The following FAM167A variants were observed in gnomAD, a reference collection of about 807,000 sequenced individuals.
FAM167A encodes family with sequence similarity 167 member A.
Under a neutral mutation model 14.9 loss-of-function variants are expected in FAM167A, and 23 were observed. That is an observed-to-expected ratio of 1.55 (90% CI 1.11 to 2.19). The LOEUF (loss-of-function observed/expected upper bound fraction) is 2.19, where lower values mean the gene tolerates loss of function less well. FAM167A is among the 30% of genes most tolerant of loss of function. The pLI is 0.00. For missense variants in FAM167A, 401 were observed against 281.5 expected (o/e 1.42, Z -3.04); for synonymous variants, 174 against 117.7 (o/e 1.48, Z -3.10).
chr8:11,445,090 T>C (rs1806703976), intron 1 of FAM167A: 1 of 978,110 alleles, frequency 1.0e-6, no homozygotes, highest in African/African-American at 1.8e-5. Flanking sequence ...AGGGATTTGT[T>C]TTTATTCTCA....
In FAM167A at chr8:11,424,625, C is replaced by A. The variant is rs566603440; in HGVS notation, c.393G>T (p.Arg131=). Residue 131 remains arginine (R), a synonymous_variant, in exon 3 of 3, where the codon CGG becomes CGT. Transcript: ENST00000284486. ...AWLRKELTEM[R]LQDQQLARQL... ...GTCTGGCCAGTTGCTGGTCCTGCAGCCGCATCTCCGTCTGGAAGGGAGGGG... is the reference window on the plus strand; with the variant it reads ...GTCTGGCCAGTTGCTGGTCCTGCAGACGCATCTCCGTCTGGAAGGGAGGGG... 6.2e-7 allele frequency: 1 copy of A among 1,613,728 alleles called. No homozygotes were observed. The highest frequency in any genetic ancestry group is 2.2e-5 in the East Asian group (1 of 44,884).
intron 2 of FAM167A, chr8:11,435,189 G>A (rs1161426918): frequency 2.2e-6 from 1 of 453,288 alleles, no homozygotes; most frequent in African/African-American, 2.0e-5. Flanking sequence ...GCCACACTGA[G>A]GTTCTGTCCC....
intron 1 of FAM167A, among the ~76,000 whole-genome samples, chr8:11,475,545 A>G (rs1221549461): frequency 6.6e-6 from 1 of 152,036 alleles, no homozygotes; most frequent in Non-Finnish European, 1.5e-5. Context: ...AATACAGTTG[A>G]GATCCAACCT....
In FAM167A at chr8:11,439,923, G is replaced by A. The variant is rs35046511; in HGVS notation, c.381+4108C>T. ...GGAGTTGGCTGATGGACCAAAGCCC[G>A]GGCAGAGGCGTGTGTGAATGCTCTG... is the stretch of plus-strand genomic sequence containing the variant. On this transcript the variant is annotated intron_variant, in intron 2 of 2. Coordinates refer to ENST00000284486, the MANE Select transcript of FAM167A (RefSeq NM_053279.3). Among the ~76,000 whole-genome samples the A allele has an allele frequency of 2.6e-3, 397 of 152,258 alleles. 4 individuals are homozygous for A. Among genetic ancestry groups the A allele is most frequent in the Admixed American group, 4.9e-3 (75 of 15,306 alleles).
At chr8:11,436,648 G>A (rs1340089469) in intron 2 of FAM167A, among the ~76,000 whole-genome samples, 1 of 152,244 alleles carries the variant, frequency 6.6e-6, no homozygotes, top group African/African-American at 2.4e-5. Flanking sequence ...TGCATTACAT[G>A]AAACTGGAAG....
At chr8:11,442,313 T>C (rs111305644) in intron 2 of FAM167A, among the ~76,000 whole-genome samples, 10 of 151,952 alleles carry the variant, frequency 6.6e-5, no homozygotes, top group African/African-American at 2.2e-4. Context: ...ACCACACGTG[T>C]GGTTATCACC....
Position 11,424,609 on chromosome 8 carries a change from G to T in FAM167A, c.409C>A (p.Leu137Met), listed in dbSNP as rs765541335. 4.3e-6 allele frequency: 7 copies of T among 1,613,894 alleles called. No individual in the cohort carries two copies. Among genetic ancestry groups the T allele is most frequent in the Non-Finnish European group, 5.1e-6 (6 of 1,179,982 alleles). ...CGCAGGCGCATGAGCTGTCTGGCCA[G>T]TTGCTGGTCCTGCAGCCGCATCTCC... ...LTEMRLQDQQ[L>M]ARQLMRLRGD... is the part of the protein sequence containing the mutation. Residue 137 changes from leucine (L) to methionine (M), a missense_variant, in exon 3 of 3, where the codon CTG becomes ATG. Coordinates refer to ENST00000284486, the MANE Select transcript of FAM167A (RefSeq NM_053279.3).
Position 11,444,308 on chromosome 8 carries a change from T to G in FAM167A, c.104A>C (p.Glu35Ala), listed in dbSNP as rs745557831. The stretch of plus-strand genomic sequence containing the variant: ...CCTGCGGGTCTCCAGCCTCAGTTTC[T>G]CGGTGAGGGCCTTCAGGCTCCGGAG... ...DHLRSLKALTEKLRLETRRPS... is the reference protein window; with the variant it reads ...DHLRSLKALTAKLRLETRRPS... Residue 35 changes from glutamate (E) to alanine (A), a missense_variant, in exon 2 of 3, where the codon GAG (glutamate) becomes GCG (alanine). By Grantham distance (107) the Glu-to-Ala change is moderately radical. Coordinates refer to ENST00000284486, the MANE Select transcript of FAM167A (RefSeq NM_053279.3). 2 of 1,612,212 alleles carry G rather than the reference T, an allele frequency of 1.2e-6. No individual in the cohort carries two copies. Among genetic ancestry groups the G allele is most frequent in the Admixed American group, 3.3e-5 (2 of 59,960 alleles).
At chr8:11,431,140 C>G (rs1348560558) in intron 2 of FAM167A, among the ~76,000 whole-genome samples, 3 of 152,150 alleles carry the variant, frequency 2.0e-5, no homozygotes, top group African/African-American at 7.2e-5. Flanking sequence ...GCGGAACCAA[C>G]CCAGTGCCCT....
chr8:11,430,130 T>G (rs1202749749), intron 2 of FAM167A, among the ~76,000 whole-genome samples: 1 of 152,156 alleles, frequency 6.6e-6, no homozygotes, highest in African/African-American at 2.4e-5. Flanking sequence ...TGTGCCAATT[T>G]CCAGTCCCCG....
intron 2 of FAM167A, among the ~76,000 whole-genome samples, chr8:11,439,047 C>T (rs919184847): frequency 6.6e-6 from 1 of 152,258 alleles, no homozygotes; most frequent in Non-Finnish European, 1.5e-5. Flanking sequence ...TTGACTTGGA[C>T]ATCTGATGTG....
chr8:11,454,489 G>A (rs1229378232), intron 1 of FAM167A, among the ~76,000 whole-genome samples: 1 of 152,204 alleles, frequency 6.6e-6, no homozygotes, highest in Admixed American at 6.5e-5. Context: ...GGAGACAAAG[G>A]CAGGGGCCAT....
At chr8:11,472,434 T>C (rs527829366), upstream of FAM167A, among the ~76,000 whole-genome samples, 31 of 135,040 alleles carry the variant, frequency 2.3e-4, 1 homozygote, top group Middle Eastern at 0.012. Context: ...TTTTGTTTTT[T>C]GGGTTTTTTT....
intron 2 of FAM167A, chr8:11,438,000 C>T (rs1259464269): frequency 1.1e-5 from 4 of 347,982 alleles, no homozygotes; most frequent in Admixed American, 8.3e-5. Context: ...TTTTGTCACA[C>T]CATGCCACTG....
intron 2 of FAM167A, chr8:11,434,889 C>T (rs894014575): frequency 2.4e-5 from 9 of 382,644 alleles, no homozygotes; most frequent in Non-Finnish European, 3.7e-5. Context: ...ACATTCTGTG[C>T]CGGAGAGAGA....
intron 1 of FAM167A, among the ~76,000 whole-genome samples, chr8:11,455,020 C>G (rs1807173193): frequency 6.6e-6 from 1 of 152,256 alleles, no homozygotes; most frequent in African/African-American, 2.4e-5. Flanking sequence ...ATCTGCATTC[C>G]AAGCCTTGGT....
chr8:11,473,080 C>G (rs992231602), intron 1 of FAM167A, among the ~76,000 whole-genome samples: 1 of 152,240 alleles, frequency 6.6e-6, no homozygotes, highest in Non-Finnish European at 1.5e-5. Context: ...CCTTGACCTG[C>G]AGGCAAGACC....
chr8:11,475,388 C>A (rs1197326623), intron 1 of FAM167A, among the ~76,000 whole-genome samples: 1 of 152,138 alleles, frequency 6.6e-6, no homozygotes, highest in Admixed American at 6.5e-5. Context: ...AGAGTGTCTG[C>A]ATAAAAGCCT....
Position 11,424,302 on chromosome 8 carries a change from C to T in FAM167A, c.*71G>A. On this transcript the variant is annotated 3_prime_UTR_variant, in exon 3 of 3. Coordinates refer to ENST00000284486, the MANE Select transcript of FAM167A (RefSeq NM_053279.3). The stretch of plus-strand genomic sequence containing the variant: ...CGGGAGACCCACTGGAGTAACTTGG[C>T]CTCAGCTTCCTCTGACACCCCTCCA... The T allele has an allele frequency of 6.3e-7, 1 of 1,589,234 alleles. No individual in the cohort carries two copies. Among genetic ancestry groups the T allele is most frequent in the South Asian group, 1.1e-5 (1 of 88,110 alleles).
Sources: gnomAD v4.1 joint callset for allele counts (sites outside exome capture counted in the v4.1 genomes callset) on GRCh38, gnomAD v4.1.1 for gene constraint, MANE v1.5 for transcripts, NCBI Gene and HGNC (gene_info 2026-07-23, HGNC 2026-07-21) for gene names.